KCNH7: variants seen among roughly 807,000 people sequenced by gnomAD.
KCNH7 encodes potassium voltage-gated channel subfamily H member 7.
Under a neutral mutation model 120.8 loss-of-function variants are expected in KCNH7, and 49 were observed. The observed-to-expected ratio is 0.41, with a 90% CI of 0.32 to 0.51. The LOEUF (loss-of-function observed/expected upper bound fraction) is 0.51. KCNH7 is among the 20% of genes least tolerant of loss of function. The probability of loss-of-function intolerance (pLI) is 0.38; values close to 1 mark genes in which losing one functional copy is unlikely to be tolerated. For missense variants in KCNH7, 1,097 were observed against 1,446.6 expected (o/e 0.76, Z 3.92); for synonymous variants, 547 against 516.1 (o/e 1.06, Z -0.81).
At chr2:162,676,172 T>C (rs1685523418) in intron 2 of KCNH7, among the ~76,000 whole-genome samples, 1 of 151,482 alleles carries the variant, frequency 6.6e-6, no homozygotes, top group African/African-American at 2.4e-5. Flanking sequence ...TACATTGTAA[T>C]AGTGATTCTG....
chr2:162,725,792 C>T (rs1287526077), intron 2 of KCNH7, among the ~76,000 whole-genome samples: 1 of 152,046 alleles, frequency 6.6e-6, no homozygotes, highest in Non-Finnish European at 1.5e-5. Context: ...TAAAAACACC[C>T]CATGTAGAAA....
chr2:162,500,990 G>A (rs570483075), intron 6 of KCNH7, among the ~76,000 whole-genome samples: 1 of 152,210 alleles, frequency 6.6e-6, no homozygotes, highest in Admixed American at 6.5e-5. Context: ...CTATAAATGA[G>A]TTATTGAAGA....
At chr2:162,608,127 G>T (rs1460206516) in intron 2 of KCNH7, among the ~76,000 whole-genome samples, 1 of 152,122 alleles carries the variant, frequency 6.6e-6, no homozygotes, top group African/African-American at 2.4e-5. Context: ...TGTTTACAAA[G>T]GAGTCATGTT....
chr2:162,418,450 G>A (rs556279690), intron 9 of KCNH7, among the ~76,000 whole-genome samples: 6 of 152,230 alleles, frequency 3.9e-5, no homozygotes, highest in South Asian at 2.1e-4. Context: ...GGCAAGCCAC[G>A]CTACTTTGCA....
At chr2:162,559,017 T>A (rs1233695998) in intron 2 of KCNH7, among the ~76,000 whole-genome samples, 1 of 126,118 alleles carries the variant, frequency 7.9e-6, no homozygotes, top group Non-Finnish European at 1.5e-5. Context: ...ATTGCGTCAC[T>A]GCAGTCCAGC....
intron 3 of KCNH7, among the ~76,000 whole-genome samples, chr2:162,528,855 G>A (rs1029575427): frequency 1.3e-5 from 2 of 152,012 alleles, no homozygotes; most frequent in African/African-American, 2.4e-5. Context: ...TGGGCTATAT[G>A]AGAGAGATAG....
chr2:162,643,772 C>T (rs1280165622), intron 2 of KCNH7, among the ~76,000 whole-genome samples: 2 of 137,242 alleles, frequency 1.5e-5, no homozygotes, highest in Non-Finnish European at 3.0e-5. Context: ...TGCCACTGCA[C>T]TCCAGCCTGG....
At chr2:162,720,957 T>C in intron 2 of KCNH7, among the ~76,000 whole-genome samples, 1 of 152,286 alleles carries the variant, frequency 6.6e-6, no homozygotes, top group South Asian at 2.1e-4. Context: ...TATCATTTTC[T>C]TAAATTTAGA....
At chr2:162,761,191 G>T (rs1461850885) in intron 2 of KCNH7, among the ~76,000 whole-genome samples, 1 of 152,062 alleles carries the variant, frequency 6.6e-6, no homozygotes, top group Non-Finnish European at 1.5e-5. Context: ...TCAAGGAATT[G>T]ATTAGAAAGC....
intron 2 of KCNH7, among the ~76,000 whole-genome samples, chr2:162,656,855 C>T (rs1262320133): frequency 6.6e-6 from 1 of 152,098 alleles, no homozygotes; most frequent in Admixed American, 6.5e-5. Context: ...TTATTGCAAG[C>T]TCAAGCATTG....
rs142152955 is a variant in KCNH7, at chr2:162,619,407, C to T, written c.308-82327G>A. On this transcript the variant is annotated intron_variant, in intron 2 of 15. Transcript: ENST00000332142. The stretch of plus-strand genomic sequence containing the variant: ...ATGTAGTTACATCTTTTATAATTCT[C>T]CCCAAGTATGGAACAATAAGAATTG... Among the ~76,000 whole-genome samples the T allele has an allele frequency of 3.2e-4, 49 of 151,904 alleles. 1 individual carries two copies. The highest frequency in any genetic ancestry group is 1.2e-3 in the African/African-American group (49 of 41,488).
intron 2 of KCNH7, among the ~76,000 whole-genome samples, chr2:162,592,515 A>G (rs1694243114): frequency 6.6e-6 from 1 of 152,018 alleles, no homozygotes; most frequent in African/African-American, 2.4e-5. Flanking sequence ...GCTATAGGCT[A>G]TGGGCAGGCA....
chr2:162,544,925 C>T (rs983399700), intron 2 of KCNH7, among the ~76,000 whole-genome samples: 1 of 152,152 alleles, frequency 6.6e-6, no homozygotes, highest in Non-Finnish European at 1.5e-5. Context: ...GAATACTTTG[C>T]TCCCTGGATC....
intron 2 of KCNH7, among the ~76,000 whole-genome samples, chr2:162,808,990 T>A (rs1181742007): frequency 6.6e-6 from 1 of 152,154 alleles, no homozygotes; most frequent in East Asian, 1.9e-4. Flanking sequence ...TACCCATTTG[T>A]GATTAGACAG....
chr2:162,425,603 G>C (rs779813702), intron 8 of KCNH7, among the ~76,000 whole-genome samples: 2 of 152,132 alleles, frequency 1.3e-5, no homozygotes, highest in Non-Finnish European at 1.5e-5. Context: ...GTGATGCTAT[G>C]TTTCCAAAAT....
intron 2 of KCNH7, among the ~76,000 whole-genome samples, chr2:162,794,210 A>C (rs1684054564): frequency 6.6e-6 from 1 of 151,864 alleles, no homozygotes; most frequent in Non-Finnish European, 1.5e-5. Context: ...ACATGAAAGG[A>C]AAACAAAGAA....
intron 2 of KCNH7, among the ~76,000 whole-genome samples, chr2:162,538,914 T>A (rs1011294820): frequency 6.6e-6 from 1 of 152,118 alleles, no homozygotes; most frequent in Non-Finnish European, 1.5e-5. Flanking sequence ...AATACAAATG[T>A]GGACAGCTTC....
At chr2:162,673,283 TA>T (rs775948589) in intron 2 of KCNH7, among the ~76,000 whole-genome samples, 20 of 152,044 alleles carry the variant, frequency 1.3e-4, no homozygotes, top group Non-Finnish European at 2.4e-4. Context: ...ATATAAAATA[TA>T]GCAAATGGTT....
intron 2 of KCNH7, among the ~76,000 whole-genome samples, chr2:162,763,985 T>G (rs1336703947): frequency 1.3e-5 from 2 of 151,774 alleles, no homozygotes; most frequent in Admixed American, 6.6e-5. Context: ...TTTGTGAGGG[T>G]TTTTTTTCCT....
Sources: gnomAD v4.1 joint callset for allele counts (sites outside exome capture counted in the v4.1 genomes callset) on GRCh38, gnomAD v4.1.1 for gene constraint, MANE v1.5 for transcripts, NCBI Gene and HGNC (gene_info 2026-07-23, HGNC 2026-07-21) for gene names.